The following IFT27 variants were observed in gnomAD, a reference collection of about 807,000 sequenced individuals.
The protein encoded by IFT27 is intraflagellar transport 27.
In IFT27, 19 loss-of-function variants were observed where a neutral mutation model predicts 23.9. The ratio of observed to expected loss-of-function variants is 0.79; its 90% CI spans 0.55 to 1.16. The LOEUF is 1.16. Ranked by LOEUF, IFT27 falls within the 50% of genes most tolerant of loss-of-function variation. IFT27 has a pLI of 0.00. For missense variants in IFT27, 206 were observed against 228.7 expected, an observed-to-expected ratio of 0.90 and a Z score of 0.64; for synonymous variants, 91 against 89.1, an observed-to-expected ratio of 1.02 and a Z score of -0.12.
At chr22:36,775,652 A>G in intron 1 of IFT27, 22 bp downstream of exon 1, 1 of 1,613,942 alleles carries the variant, frequency 6.2e-7, no homozygotes. Context: ...CACCGTATTC[A>G]AGCGCAAGTT....
chr22:36,767,299 C>T lies in IFT27; in HGVS notation c.174+7G>A, dbSNP rs762319984. On this transcript the variant is annotated splice_region_variant and intron_variant, in intron 3 of 6. Transcript: ENST00000433985. The stretch of plus-strand genomic sequence containing the variant: ...CCTGAGTTCCCCTGGGTAAAGGCAT[C>T]ACTCACCACACTGTCTCCCGTGTCA... 1 of 1,612,996 alleles carries T rather than the reference C, an allele frequency of 6.2e-7. No individual in the cohort carries two copies. The highest frequency in any genetic ancestry group is 1.1e-5 in the South Asian group (1 of 91,042).
chr22:36,763,189 G>A, intron 5 of IFT27, 176 bp from the exon 6 acceptor site: 1 of 453,540 alleles, frequency 2.2e-6, no homozygotes, highest in Non-Finnish European at 3.9e-6. Context: ...GGCCCCAAGG[G>A]CCACAGAGAG....
chr22:36,762,982 G>A lies in IFT27; in HGVS notation c.384C>T (p.Ala128=), dbSNP rs755859739. 2.6e-5 allele frequency: 42 copies of A among 1,605,758 alleles called. No homozygotes were observed. The highest frequency in any genetic ancestry group is 4.5e-5 in the South Asian group (4 of 89,154). ...CAGCTGAGTCCACTGCTCGTCTGCC[G>A]GCCAGGTCTGTCTTGTTCCCAACTA... ...GVLVGNKTDL[A]GRRAVDSAEA... Residue 128 remains alanine (A), a synonymous_variant, in exon 6 of 7, where the codon GCC becomes GCT. Coordinates refer to ENST00000433985, the MANE Select transcript of IFT27 (RefSeq NM_001177701.3).
At chr22:36,771,022 C>A (rs1009225147) in intron 1 of IFT27, among the ~76,000 whole-genome samples, 1 of 152,184 alleles carries the variant, frequency 6.6e-6, no homozygotes, top group African/African-American at 2.4e-5. Context: ...TGCACCCCAG[C>A]AGCACTAACT....
intron 1 of IFT27, among the ~76,000 whole-genome samples, chr22:36,773,469 T>C (rs753096416): frequency 3.2e-4 from 49 of 151,808 alleles, no homozygotes; most frequent in South Asian, 6.2e-4. Context: ...CTGGCTAACA[T>C]GGTGAAACCC....
Position 36,776,050 on chromosome 22 carries a change from ACGATCCGGCTCTCCTC to A in IFT27, c.-359_-344del, listed in dbSNP as rs1189966983. 2.1e-5 allele frequency: 8 copies of A among 377,848 alleles called. No individual in the cohort carries two copies. In the East Asian group the frequency reaches 3.3e-4, roughly 16 times the overall value. The allele number at this position is 377,848 out of a possible 1,614,324, so 23.4% of individuals were successfully genotyped here. A position where few individuals can be genotyped will look rare whatever the true frequency, so the allele number is the denominator to read the frequency against. On this transcript the variant is annotated 5_prime_UTR_variant, in exon 1 of 7. Transcript: ENST00000433985. ...CCCTACCCAGAGGGTTCAAGGAAGG[ACGATCCGGCTCTCCTC>A]CGATCACAAGTACCGGGCCGGATGC...
At chr22:36,769,720 G>A (rs1030735686) in intron 1 of IFT27, among the ~76,000 whole-genome samples, 1 of 152,158 alleles carries the variant, frequency 6.6e-6, no homozygotes, top group Admixed American at 6.5e-5. Context: ...AGCCTAGACT[G>A]TCAAGGGGTA....
intron 3 of IFT27, among the ~76,000 whole-genome samples, chr22:36,766,605 G>A (rs890642642): frequency 5.3e-5 from 8 of 152,154 alleles, no homozygotes; most frequent in African/African-American, 1.2e-4. Context: ...CTTTCTAAAG[G>A]AGGTCACTGA....
In IFT27 at chr22:36,763,001, C is replaced by T. The variant is rs778258817; in HGVS notation, c.365G>A (p.Gly122Glu). The T allele has an allele frequency of 1.3e-6, 2 of 1,598,740 alleles. No individual in the cohort carries two copies. Among genetic ancestry groups the T allele is most frequent in the Non-Finnish European group, 1.7e-6 (2 of 1,171,022 alleles). ...PGISLPGVLV[G>E]NKTDLAGRRA... ...TCTGCCGGCCAGGTCTGTCTTGTTC[C>T]CAACTAAAACACCTACTCAGAAGAA... The change falls in exon 6 of 7, where the codon GGG (glycine) becomes GAG (glutamate). Residue 122 changes from glycine (G) to glutamate (E), a missense_variant. Transcript: ENST00000433985.
intron 1 of IFT27, among the ~76,000 whole-genome samples, chr22:36,771,559 G>A (rs1169940561): frequency 1.3e-5 from 2 of 151,964 alleles, no homozygotes; most frequent in African/African-American, 2.4e-5. Flanking sequence ...CTGAGGTGCC[G>A]GGACCAGCCG....
chr22:36,758,533 C>A (rs541750862), intron 6 of IFT27, 124 bp from the exon 7 acceptor site: 4 of 710,082 alleles, frequency 5.6e-6, no homozygotes, highest in Non-Finnish European at 9.8e-6. Flanking sequence ...TCACGCCCTT[C>A]GAGGTAGCCA....
intron 1 of IFT27, chr22:36,768,545 C>T (rs1177663497): frequency 6.0e-6 from 1 of 166,946 alleles, no homozygotes; most frequent in Non-Finnish European, 1.3e-5. Flanking sequence ...GGCTTTATCT[C>T]CCTCTCCTCT....
chr22:36,763,716 G>A (rs1938159469), intron 5 of IFT27: 10 of 660,000 alleles, frequency 1.5e-5, no homozygotes, highest in Admixed American at 6.3e-5. Context: ...CCTCATTCCC[G>A]TTTCCTAGAC....
At position 36,767,243 on chromosome 22, in the gene IFT27, C is replaced by G. The variant is rs767927168; in HGVS notation, c.174+63G>C. On this transcript the variant is annotated intron_variant, in intron 3 of 6. Coordinates refer to ENST00000433985, the MANE Select transcript of IFT27 (RefSeq NM_001177701.3). ...ATCTCTCCTAGGGAGGATGGTGTGA[C>G]CACAGAGACCCTGGGCCCAGCTGGG... 3 of 1,352,060 alleles carry G rather than the reference C, an allele frequency of 2.2e-6. No individual in the cohort carries two copies. In the Admixed American group the frequency reaches 5.1e-5, roughly 23 times the overall value. The allele number at this position is 1,352,060 out of a possible 1,614,324, so 83.8% of individuals were successfully genotyped here.
intron 3 of IFT27, 75 bp downstream of exon 3, chr22:36,767,231 A>T: frequency 8.7e-7 from 1 of 1,153,682 alleles, no homozygotes; most frequent in African/African-American, 1.5e-5. Context: ...TCTCCTAGGG[A>T]GGATGGTGTG....
Position 36,775,698 on chromosome 22 carries a change from G to C in IFT27, c.10C>G (p.Leu4Val). The change falls in exon 1 of 7, where the codon CTG (leucine) becomes GTG (valine). Residue 4 changes from leucine to valine, a missense_variant. Transcript: ENST00000433985. MVK[L>V]AAKCILAGDP... ...CCTGCCAGGATGCATTTGGCTGCCA[G>C]CTTCACCATGGTAACCAACACTCCC... 1.2e-6 allele frequency: 2 copies of C among 1,614,140 alleles called. No individual in the cohort carries two copies. The highest frequency in any genetic ancestry group is 1.7e-6 in the Non-Finnish European group (2 of 1,180,028).
chr22:36,775,541 T>C, intron 1 of IFT27, 133 bp downstream of exon 1: 1 of 889,168 alleles, frequency 1.1e-6, no homozygotes, highest in Non-Finnish European at 1.9e-6. Context: ...ACTGTATCAG[T>C]AATTGCAGTA....
chr22:36,775,865 C>A lies in IFT27; in HGVS notation c.-158G>T. 1 of 323,374 alleles carries A rather than the reference C, an allele frequency of 3.1e-6. No homozygotes were observed. Among genetic ancestry groups the A allele is most frequent in the Non-Finnish European group, 5.7e-6 (1 of 174,852 alleles). The allele number at this position is 323,374 out of a possible 1,614,324, so 20.0% of individuals were successfully genotyped here. Reference sequence around the variant, plus strand: ...TGGCCGCGACGGGACTGGGGATGACCGAGCCCGGCCCTTCTGGGCCGGGGG... The same window carrying A: ...TGGCCGCGACGGGACTGGGGATGACAGAGCCCGGCCCTTCTGGGCCGGGGG... On this transcript the variant is annotated 5_prime_UTR_variant, in exon 1 of 7. Transcript: ENST00000433985.
chr22:36,761,558 T>G (rs1408242353), intron 6 of IFT27: 1 of 152,240 alleles, frequency 6.6e-6, no homozygotes, highest in Non-Finnish European at 1.5e-5. Context: ...AGCTAACATC[T>G]ACTGAGTGTT....
Sources: gnomAD v4.1 joint callset for allele counts (sites outside exome capture counted in the v4.1 genomes callset) on GRCh38, gnomAD v4.1.1 for gene constraint, MANE v1.5 for transcripts, NCBI Gene and HGNC (gene_info 2026-07-23, HGNC 2026-07-21) for gene names.